EFCAB14: variants seen among roughly 807,000 people sequenced by gnomAD.
The protein encoded by EFCAB14 is EF-hand calcium-binding domain-containing protein 14.
EFCAB14 carries 43 observed loss-of-function variants against 56.5 expected under a neutral mutation model. The ratio of observed to expected loss-of-function variants is 0.76; its 90% confidence interval spans 0.60 to 0.98. The LOEUF is 0.98. Ranked by LOEUF, EFCAB14 falls within the 50% of genes least tolerant of loss-of-function variation. EFCAB14 has a pLI of 0.00. For missense variants in EFCAB14, 538 were observed against 580.3 expected, an observed-to-expected ratio of 0.93 and a Z score of 0.75; for synonymous variants, 235 against 212.9, an observed-to-expected ratio of 1.10 and a Z score of -0.90.
chr1:46,704,476 C>CAAAAA (rs35092498), intron 3 of EFCAB14, among the ~76,000 whole-genome samples: 2 of 73,976 alleles, frequency 2.7e-5, no homozygotes, highest in African/African-American at 6.0e-5. Flanking sequence ...GATTGTGTCT[C>CAAAAA]AAAAAAAAAA....
At chr1:46,688,268 G>A (rs1188792415) in intron 7 of EFCAB14, 85 bp downstream of exon 7, 1 of 1,332,342 alleles carries the variant, frequency 7.5e-7, no homozygotes, top group Non-Finnish European at 1.1e-6. Flanking sequence ...AAATATGCCA[G>A]AAGGCTGTTC....
chr1:46,715,287 G>A (rs1677370576), intron 2 of EFCAB14, among the ~76,000 whole-genome samples: 1 of 152,192 alleles, frequency 6.6e-6, no homozygotes. Context: ...GAACAGTGGT[G>A]CAGACAGTAG....
chr1:46,697,015 A>T (rs1677086078), intron 3 of EFCAB14, among the ~76,000 whole-genome samples: 1 of 152,248 alleles, frequency 6.6e-6, no homozygotes. Context: ...ATGAAGGATC[A>T]CTTCAAAATT....
Position 46,708,066 on chromosome 1 carries a change from TA to T in EFCAB14, c.335-16del. 6.2e-7 allele frequency: 1 copy of T among 1,608,582 alleles called. No individual in the cohort carries two copies. On this transcript the variant is annotated splice_polypyrimidine_tract_variant and intron_variant, in intron 2 of 10. Transcript: ENST00000371933. ...ATTAGATTCCACTAAAAAGACAAAA[TA>T]AGAACAATCATAACTAGCATAAAGT...
Position 46,683,355 on chromosome 1 carries a change from A to G in EFCAB14, c.1257T>C (p.Val419=). ...PKFSQFLGDP[V]EKAAQLRPIS... ...TAGGTCTTAGTTGGGCAGCTTTCTCAACTGGGTCTCCAAGAAACTGTGAAA... is the reference window on the plus strand; with the variant it reads ...TAGGTCTTAGTTGGGCAGCTTTCTCGACTGGGTCTCCAAGAAACTGTGAAA... Residue 419 remains valine, a synonymous_variant, in exon 10 of 11, where the codon GTT becomes GTC. Coordinates refer to ENST00000371933, the MANE Select transcript of EFCAB14 (RefSeq NM_014774.3). 1 of 1,614,056 alleles carries G rather than the reference A, an allele frequency of 6.2e-7. No individual in the cohort carries two copies. The highest frequency in any genetic ancestry group is 8.5e-7 in the Non-Finnish European group (1 of 1,179,932).
rs906858002 is a variant in EFCAB14 at position 46,691,946 on chromosome 1, A to C, written c.580-9T>G. 7 of 1,608,966 alleles carry C rather than the reference A, an allele frequency of 4.4e-6. No individual in the cohort carries two copies. Among genetic ancestry groups the C allele is most frequent in the Non-Finnish European group, 5.9e-6 (7 of 1,176,608 alleles). On this transcript the variant is annotated splice_polypyrimidine_tract_variant and intron_variant, in intron 4 of 10. Transcript: ENST00000371933. The stretch of plus-strand genomic sequence containing the variant: ...CCAATGGAAGCTACACTCTGAATGG[A>C]AACATATAGGAAGGTGTAAAAAAGC...
chr1:46,704,476 C>CAAAA (rs35092498), intron 3 of EFCAB14, among the ~76,000 whole-genome samples: 2 of 73,972 alleles, frequency 2.7e-5, no homozygotes, highest in Non-Finnish European at 4.8e-5. Context: ...GATTGTGTCT[C>CAAAA]AAAAAAAAAA....
intron 2 of EFCAB14, 121 bp downstream of exon 2, chr1:46,716,173 TG>T: frequency 1.9e-6 from 2 of 1,057,876 alleles, no homozygotes; most frequent in Non-Finnish European, 2.6e-6. Flanking sequence ...CACTTGAACC[TG>T]GGTGGCGGAT....
intron 3 of EFCAB14, among the ~76,000 whole-genome samples, chr1:46,700,444 A>G (rs904004809): frequency 6.6e-6 from 1 of 152,264 alleles, no homozygotes; most frequent in Admixed American, 6.5e-5. Flanking sequence ...AGATACTCTC[A>G]GCAAACCATA....
Position 46,691,900 on chromosome 1 carries a change from T to C in EFCAB14, c.617A>G (p.His206Arg), listed in dbSNP as rs766813921. The change falls in exon 5 of 11, where the codon CAT (histidine) becomes CGT (arginine). Residue 206 changes from histidine to arginine, a missense_variant. Physicochemically the swap from His to Arg is conservative, Grantham distance 29 (BLOSUM62 0). Transcript: ENST00000371933. ...ASIGNTLNSVHLAVEALQKTV... is the reference protein window; with the variant it reads ...ASIGNTLNSVRLAVEALQKTV... The stretch of plus-strand genomic sequence containing the variant: ...TTTCTGTAGTGCTTCCACAGCAAGA[T>C]GGACGCTGTTTAAAGTATTGCCAAT... 1 of 1,613,610 alleles carries C rather than the reference T, an allele frequency of 6.2e-7. No homozygotes were observed. The highest frequency in any genetic ancestry group is 1.7e-5 in the Admixed American group (1 of 59,940).
rs1241629205 is a variant in EFCAB14 at position 46,718,748 on chromosome 1, C to T, written c.-661G>A. The T allele has an allele frequency of 6.6e-6, 1 of 152,400 alleles. No individual in the cohort carries two copies. The highest frequency in any genetic ancestry group is 2.4e-5 in the African/African-American group (1 of 41,452). 9.4% of individuals were successfully genotyped at this position (152,400 alleles called of 1,614,324 possible). ...ATGATCACCGTTCTCCGGCCTCCGTCCTGAACGTGAAGGGGGCCCGAGGCC... is the reference window on the plus strand; with the variant it reads ...ATGATCACCGTTCTCCGGCCTCCGTTCTGAACGTGAAGGGGGCCCGAGGCC... On this transcript the variant is annotated 5_prime_UTR_variant, in exon 1 of 11. Transcript: ENST00000371933.
intron 2 of EFCAB14, among the ~76,000 whole-genome samples, chr1:46,710,472 C>T (rs1677292946): frequency 6.6e-6 from 1 of 152,166 alleles, no homozygotes; most frequent in African/African-American, 2.4e-5. Flanking sequence ...ACCAATCTCT[C>T]CCTATCCCTT....
chr1:46,713,717 T>C (rs1462882394), intron 2 of EFCAB14, among the ~76,000 whole-genome samples: 3 of 152,176 alleles, frequency 2.0e-5, no homozygotes, highest in East Asian at 1.9e-4. Context: ...CACAAGCCTA[T>C]AGCTGAACTA....
chr1:46,708,117 A>G, intron 2 of EFCAB14, 66 bp from the exon 3 acceptor site: 2 of 1,447,432 alleles, frequency 1.4e-6, no homozygotes, highest in East Asian at 4.7e-5. Context: ...AAGATGAAAA[A>G]ATCATCAAAC....
In EFCAB14 at chr1:46,696,533, C is replaced by CCCA; in HGVS notation, c.579+15_579+17dup. 6.2e-7 allele frequency: 1 copy of CCCA among 1,610,300 alleles called. No individual in the cohort carries two copies. The highest frequency in any genetic ancestry group is 8.5e-7 in the Non-Finnish European group (1 of 1,177,036). On this transcript the variant is annotated intron_variant, in intron 4 of 10. Transcript: ENST00000371933. ...GCACCTACCTTCTGAAGTCTCTGTA[C>CCCA]CCACACATGGCACCTACCTTCTGAA...
intron 1 of EFCAB14, among the ~76,000 whole-genome samples, chr1:46,717,661 C>CA (rs1415105479): frequency 2.0e-5 from 3 of 152,204 alleles, no homozygotes; most frequent in Non-Finnish European, 4.4e-5. Context: ...GCACATTCTC[C>CA]AAGTCCACAT....
intron 10 of EFCAB14, among the ~76,000 whole-genome samples, chr1:46,679,465 TA>T (rs1275951590): frequency 2.0e-5 from 3 of 151,974 alleles, no homozygotes; most frequent in Admixed American, 2.0e-4. Context: ...CACGCCCAGC[TA>T]ATTTTTTTTA....
At chr1:46,688,962 C>T (rs569249658) in intron 6 of EFCAB14, among the ~76,000 whole-genome samples, 5 of 152,228 alleles carry the variant, frequency 3.3e-5, no homozygotes, top group Non-Finnish European at 4.4e-5. Flanking sequence ...AATACCATAA[C>T]AAGTAGTGCA....
chr1:46,707,326 C>T (rs1677247615), intron 3 of EFCAB14, among the ~76,000 whole-genome samples: 2 of 152,152 alleles, frequency 1.3e-5, no homozygotes, highest in South Asian at 4.1e-4. Context: ...TGATCAACAT[C>T]CTTAGAATAA....
Sources: gnomAD v4.1 joint callset for allele counts (sites outside exome capture counted in the v4.1 genomes callset) on GRCh38, gnomAD v4.1.1 for gene constraint, MANE v1.5 for transcripts, NCBI Gene and HGNC (gene_info 2026-07-23, HGNC 2026-07-21) for gene names.